LY9: variants seen among roughly 807,000 people sequenced by gnomAD.
LY9 encodes T-lymphocyte surface antigen Ly-9.
Under a neutral mutation model 64.6 loss-of-function variants are expected in LY9, and 59 were observed. That is an observed-to-expected ratio of 0.91 (90% CI 0.74 to 1.13). The LOEUF (loss-of-function observed/expected upper bound fraction) is 1.13, where lower values mean the gene tolerates loss of function less well. LY9 is among the 50% of genes most tolerant of loss of function. LY9 has a pLI of 0.00. For synonymous variants in LY9, 281 were observed against 308.5 expected (o/e 0.91, Z 0.93); for missense variants, 789 against 797.2 (o/e 0.99, Z 0.12).
intron 4 of LY9, among the ~76,000 whole-genome samples, chr1:160,815,841 A>C (rs1186228400): frequency 6.6e-6 from 1 of 152,198 alleles, no homozygotes; most frequent in Non-Finnish European, 1.5e-5. Context: ...GAGGAACAGA[A>C]TTTGCATTCT....
chr1:160,818,654 C>A (rs1004636301), intron 6 of LY9, among the ~76,000 whole-genome samples: 1 of 152,072 alleles, frequency 6.6e-6, no homozygotes, highest in Admixed American at 6.6e-5. Context: ...TCAGAGCTCT[C>A]CACCTTTCAT....
chr1:160,804,612 A>G (rs1304290808), intron 2 of LY9, among the ~76,000 whole-genome samples: 1 of 152,138 alleles, frequency 6.6e-6, no homozygotes, highest in Non-Finnish European at 1.5e-5. Flanking sequence ...CGAATGAGTT[A>G]AGGAAAATTC....
chr1:160,800,736 T>G lies in LY9; in HGVS notation c.454+654T>G, dbSNP rs1472180372. ...CTCTTGTAGGCTCCGCTATCCATTA[T>G]TCCTACTCTGTATGTCCATGTGTAC... On this transcript the variant is annotated intron_variant, in intron 2 of 9. Transcript: ENST00000263285. 2.0e-5 allele frequency among the ~76,000 whole-genome samples: 3 copies of G among 152,218 alleles called. No homozygotes were observed. In the East Asian group the frequency reaches 5.8e-4, roughly 29 times the overall value.
chr1:160,822,713 G>C (rs555414220), intron 7 of LY9, among the ~76,000 whole-genome samples: 1 of 152,224 alleles, frequency 6.6e-6, no homozygotes, highest in African/African-American at 2.4e-5. Context: ...CATCCACCCA[G>C]TGTGCCATGA....
chr1:160,827,144 G>A (rs1483383435), intron 9 of LY9, among the ~76,000 whole-genome samples: 1 of 152,162 alleles, frequency 6.6e-6, no homozygotes, highest in African/African-American at 2.4e-5. Flanking sequence ...TACTTGATCT[G>A]GAAATTCTCA....
intron 7 of LY9, among the ~76,000 whole-genome samples, chr1:160,821,753 T>G (rs1304709828): frequency 6.6e-6 from 1 of 152,164 alleles, no homozygotes; most frequent in East Asian, 1.9e-4. Flanking sequence ...AAGCCTCAGT[T>G]TCCTTACCTT....
At chr1:160,801,965 C>T (rs1287681261) in intron 2 of LY9, 2 of 1,601,448 alleles carry the variant, frequency 1.2e-6, no homozygotes, top group East Asian at 2.2e-5. Context: ...ATCCCCACCT[C>T]ACCGCCGCGC....
In LY9 at chr1:160,814,711, C is replaced by A. The variant is rs750028876; in HGVS notation, c.1022C>A (p.Ser341Ter). 6.2e-7 allele frequency: 1 copy of A among 1,614,132 alleles called. No individual in the cohort carries two copies. Among genetic ancestry groups the A allele is most frequent in the Non-Finnish European group, 8.5e-7 (1 of 1,179,996 alleles). Residue 341 changes from serine (S) to a stop codon, truncating the protein, a stop_gained, in exon 4 of 10, where the codon TCA becomes TAA. Coordinates refer to ENST00000263285, the MANE Select transcript of LY9 (RefSeq NM_002348.4). LOFTEE classifies it high-confidence loss of function. ...GGCCCCTACCATGCCTACGTGTGCT[C>A]AGAGGCCTCCAGCGTCACCAGCATG... ...DAGPYHAYVCSEASSVTSMTH... is the reference protein window; with the variant it reads ...DAGPYHAYVC
At chr1:160,808,344 G>C (rs1026703886) in intron 2 of LY9, among the ~76,000 whole-genome samples, 1 of 152,158 alleles carries the variant, frequency 6.6e-6, no homozygotes, top group African/African-American at 2.4e-5. Flanking sequence ...ACCCAGCACT[G>C]TTGGGCCCCA....
intron 2 of LY9, chr1:160,802,247 T>C: frequency 9.6e-7 from 1 of 1,046,806 alleles, no homozygotes; most frequent in South Asian, 3.6e-5. Context: ...TGGTAGAGAC[T>C]CCCAAGCCTG....
At chr1:160,798,638 T>C (rs1666133576) in intron 1 of LY9, among the ~76,000 whole-genome samples, 1 of 152,160 alleles carries the variant, frequency 6.6e-6, no homozygotes, top group Non-Finnish European at 1.5e-5. Context: ...AAGGTGCAAG[T>C]GCTTGGCTGA....
At chr1:160,800,245 A>T (rs1384984553) in intron 2 of LY9, 163 bp downstream of exon 2, 1 of 603,696 alleles carries the variant, frequency 1.7e-6, no homozygotes, top group African/African-American at 1.9e-5. Flanking sequence ...TGTTAAGTAT[A>T]GTCACCCTAC....
intron 9 of LY9, 37 bp downstream of exon 9, chr1:160,824,286 C>T (rs376098800): frequency 3.1e-5 from 50 of 1,613,146 alleles, no homozygotes; most frequent in Admixed American, 6.7e-5. Flanking sequence ...CCAAGGCCCA[C>T]AGAGTGAGGA....
intron 2 of LY9, chr1:160,813,392 G>A (rs901068914): frequency 5.7e-5 from 31 of 544,348 alleles, no homozygotes; most frequent in African/African-American, 2.5e-4. Context: ...TACACTGGTC[G>A]GGGAGAGAGA....
chr1:160,820,056 T>C (rs1458442913), intron 7 of LY9, among the ~76,000 whole-genome samples: 3 of 152,210 alleles, frequency 2.0e-5, no homozygotes, highest in African/African-American at 7.2e-5. Context: ...CCCCAGGGTC[T>C]CTAGGGTTCC....
chr1:160,814,933 G>A (rs1026201597), intron 4 of LY9, 172 bp downstream of exon 4: 9 of 619,014 alleles, frequency 1.5e-5, no homozygotes, highest in Middle Eastern at 5.1e-4. Flanking sequence ...GCAAACTCAT[G>A]ACTAGCTGCT....
chr1:160,801,731 A>G (rs1057448643), intron 2 of LY9: 6 of 1,320,096 alleles, frequency 4.5e-6, no homozygotes. Flanking sequence ...GGTTTTTTAT[A>G]TGATGAGAAA....
intron 1 of LY9, 80 bp from the exon 2 acceptor site, chr1:160,799,673 T>C (rs1666253732): frequency 1.2e-5 from 10 of 840,350 alleles, no homozygotes; most frequent in South Asian, 3.3e-5. Flanking sequence ...TTATGCCCAA[T>C]GTATATTCAC....
At chr1:160,801,732 T>C in intron 2 of LY9, 3 of 1,330,110 alleles carry the variant, frequency 2.3e-6, no homozygotes, top group South Asian at 1.2e-5. Context: ...GTTTTTTATA[T>C]GATGAGAAAT....
Sources: allele counts gnomAD v4.1 joint callset (sites outside exome capture counted in the v4.1 genomes callset), GRCh38; gene constraint gnomAD v4.1.1; transcripts MANE v1.5; gene names NCBI Gene and HGNC (gene_info 2026-07-23, HGNC 2026-07-21).